PDLIM5: variants seen among roughly 807,000 people sequenced by gnomAD.
The protein encoded by PDLIM5 is PDZ and LIM domain protein 5.
PDLIM5 carries 34 observed loss-of-function variants against 64.2 expected under a neutral mutation model. The observed-to-expected ratio is 0.53, with a 90% CI of 0.40 to 0.71. The LOEUF is 0.71. Ranked by LOEUF, PDLIM5 falls within the 30% of genes least tolerant of loss-of-function variation. The probability of loss-of-function intolerance (pLI) is 0.00; values close to 1 mark genes in which losing one functional copy is unlikely to be tolerated. For synonymous variants in PDLIM5, 253 were observed against 269.1 expected, an observed-to-expected ratio of 0.94 and a Z score of 0.59; for missense variants, 683 against 733.6, an observed-to-expected ratio of 0.93 and a Z score of 0.80.
intron 3 of PDLIM5, among the ~76,000 whole-genome samples, chr4:94,545,921 T>C (rs1196731181): frequency 1.3e-5 from 2 of 152,218 alleles, no homozygotes; most frequent in African/African-American, 4.8e-5. Flanking sequence ...AAAGTATATT[T>C]TTATAAAAGT....
intron 3 of PDLIM5, among the ~76,000 whole-genome samples, chr4:94,529,781 G>A (rs931667291): frequency 3.3e-5 from 5 of 151,936 alleles, no homozygotes; most frequent in Admixed American, 6.6e-5. Flanking sequence ...TTTCCTGGCC[G>A]TGAAACTAAT....
chr4:94,644,252 G>C (rs889150386), intron 9 of PDLIM5, among the ~76,000 whole-genome samples: 3 of 152,188 alleles, frequency 2.0e-5, no homozygotes, highest in African/African-American at 4.8e-5. Context: ...GAGGCATAGA[G>C]AAGTTACGTA....
chr4:94,554,344 C>G (rs1041645404), intron 3 of PDLIM5, among the ~76,000 whole-genome samples: 1 of 152,068 alleles, frequency 6.6e-6, no homozygotes, highest in Non-Finnish European at 1.5e-5. Context: ...TATTGAAAAA[C>G]ATTTGGAAGA....
At chr4:94,655,335 T>G (rs1242252789) in intron 10 of PDLIM5, among the ~76,000 whole-genome samples, 1 of 152,144 alleles carries the variant, frequency 6.6e-6, no homozygotes, top group Admixed American at 6.5e-5. Context: ...TTATGGTGAC[T>G]AGGAGCTGGA....
chr4:94,530,791 A>G (rs1716625870), intron 3 of PDLIM5, among the ~76,000 whole-genome samples: 1 of 152,116 alleles, frequency 6.6e-6, no homozygotes, highest in Non-Finnish European at 1.5e-5. Flanking sequence ...CTAATGAATG[A>G]CAGATTGGAG....
chr4:94,617,682 A>G (rs1279123548), intron 7 of PDLIM5, among the ~76,000 whole-genome samples: 1 of 150,844 alleles, frequency 6.6e-6, no homozygotes, highest in Non-Finnish European at 1.5e-5. Context: ...GAAGAAAAAG[A>G]GTAACTGGTA....
chr4:94,623,952 A>T (rs1739456313), intron 8 of PDLIM5, among the ~76,000 whole-genome samples: 1 of 152,172 alleles, frequency 6.6e-6, no homozygotes, highest in African/African-American at 2.4e-5. Context: ...GTAATACATT[A>T]TTTATTTTTG....
chr4:94,609,011 A>G (rs1738145854), intron 7 of PDLIM5, among the ~76,000 whole-genome samples: 1 of 152,176 alleles, frequency 6.6e-6, no homozygotes, highest in Admixed American at 6.5e-5. Context: ...CATTTTGAAA[A>G]CATAGCTTGC....
chr4:94,614,898 C>T (rs1738650735), intron 7 of PDLIM5, among the ~76,000 whole-genome samples: 1 of 152,146 alleles, frequency 6.6e-6, no homozygotes, highest in Non-Finnish European at 1.5e-5. Context: ...ATACCCTGCA[C>T]CCAAGTGATC....
Position 94,455,321 on chromosome 4 carries a change from A to T in PDLIM5, c.33A>T (p.Pro11=). The change falls in exon 2 of 13, where the codon CCA becomes CCT. Residue 11 remains proline (P), a synonymous_variant. Transcript: ENST00000317968. ...ACTACAGTGTGTCACTGGTTGGCCC[A>T]GCTCCTTGGGGTTTCCGGCTGCAGG... The part of the protein sequence containing the change: MSNYSVSLVG[P]APWGFRLQGG... 1 of 1,613,616 alleles carries T rather than the reference A, an allele frequency of 6.2e-7. No homozygotes were observed. The highest frequency in any genetic ancestry group is 8.5e-7 in the Non-Finnish European group (1 of 1,179,486).
In PDLIM5 at chr4:94,665,868, T is replaced by C; in HGVS notation, c.*1801T>C. 7.1e-7 allele frequency: 1 copy of C among 1,410,272 alleles called. No homozygotes were observed. Among genetic ancestry groups the C allele is most frequent in the South Asian group, 1.7e-5 (1 of 60,496 alleles). 87.4% of individuals were successfully genotyped at this position (1,410,272 alleles called of 1,614,324 possible). A position where few individuals can be genotyped will look rare whatever the true frequency, so the allele number is the denominator to read the frequency against. ...TGGGAGGGGAGTTTAATTACTCAGATTGGCCTGTTATTTGATTTCCTCCTT... is the reference window on the plus strand; with the variant it reads ...TGGGAGGGGAGTTTAATTACTCAGACTGGCCTGTTATTTGATTTCCTCCTT... On this transcript the variant is annotated 3_prime_UTR_variant, in exon 13 of 13. Coordinates refer to ENST00000317968, the MANE Select transcript of PDLIM5 (RefSeq NM_006457.5).
intron 3 of PDLIM5, among the ~76,000 whole-genome samples, chr4:94,567,805 G>A (rs1409711265): frequency 6.6e-6 from 1 of 152,122 alleles, no homozygotes; most frequent in Non-Finnish European, 1.5e-5. Context: ...TGCTTAAAAT[G>A]TTATTCTAGT....
intron 7 of PDLIM5, among the ~76,000 whole-genome samples, chr4:94,610,737 A>T (rs1738298941): frequency 6.6e-6 from 1 of 152,344 alleles, no homozygotes; most frequent in East Asian, 1.9e-4. Flanking sequence ...TTCCCCAAAA[A>T]GAATAAATTG....
intron 3 of PDLIM5, among the ~76,000 whole-genome samples, chr4:94,562,403 T>C (rs1032852423): frequency 7.9e-5 from 12 of 152,354 alleles, no homozygotes; most frequent in South Asian, 4.1e-4. Context: ...TGATACAAAA[T>C]GTATTTCTGA....
intron 2 of PDLIM5, among the ~76,000 whole-genome samples, chr4:94,514,713 T>G (rs966009386): frequency 2.0e-5 from 3 of 152,194 alleles, no homozygotes; most frequent in Admixed American, 2.0e-4. Flanking sequence ...TTGGTCTCAT[T>G]ACTTACTATT....
chr4:94,660,910 TAAAAATAAAA>T (rs142383920), intron 11 of PDLIM5, among the ~76,000 whole-genome samples: 51,374 of 150,742 alleles, frequency 0.34, 8,974 homozygotes, highest in East Asian at 0.49. Flanking sequence ...CTGTCTTTAC[TAAAAATAAAA>T]AAAAATAAAA....
At chr4:94,648,906 A>T (rs1741625616) in intron 9 of PDLIM5, among the ~76,000 whole-genome samples, 2 of 152,088 alleles carry the variant, frequency 1.3e-5, no homozygotes, top group Admixed American at 1.3e-4. Flanking sequence ...GGTCAGGCCC[A>T]TCCAGGATGA....
At position 94,478,890 on chromosome 4, in the gene PDLIM5, G is replaced by GTTTTTTTTTTTTTTTTT. The variant is rs67013211; in HGVS notation, c.96+23517_96+23533dup. ...CCAAAAGAAGGTAGGTGTGCTTGGT[G>GTTTTTTTTTTTTTTTTT]TTTTTTTTTTTTTTTTTTTTTTTTT... On this transcript the variant is annotated intron_variant, in intron 2 of 12. Transcript: ENST00000317968. Among the ~76,000 whole-genome samples, 13 of 94,080 alleles carry GTTTTTTTTTTTTTTTTT rather than the reference G, an allele frequency of 1.4e-4. 1 individual carries two copies. Among genetic ancestry groups the GTTTTTTTTTTTTTTTTT allele is most frequent in the African/African-American group, 5.8e-4 (13 of 22,352 alleles). 61.7% of individuals were successfully genotyped at this position (94,080 alleles called of 152,430 possible). A position where few individuals can be genotyped will look rare whatever the true frequency, so the allele number is the denominator to read the frequency against.
At chr4:94,512,280 A>G (rs1255333616) in intron 2 of PDLIM5, among the ~76,000 whole-genome samples, 1 of 151,842 alleles carries the variant, frequency 6.6e-6, no homozygotes, top group Non-Finnish European at 1.5e-5. Flanking sequence ...CAGCCTCCCA[A>G]AGTTCTGGGA....
Sources: allele counts gnomAD v4.1 joint callset (sites outside exome capture counted in the v4.1 genomes callset), GRCh38; gene constraint gnomAD v4.1.1; transcripts MANE v1.5; gene names NCBI Gene and HGNC (gene_info 2026-07-23, HGNC 2026-07-21).